The following SORT1 variants were observed in gnomAD, a reference collection of about 807,000 sequenced individuals.
The protein encoded by SORT1 is sortilin.
Under a neutral mutation model 101.7 loss-of-function variants are expected in SORT1, and 39 were observed. That is an observed-to-expected ratio of 0.38 (90% confidence interval 0.30 to 0.50). The LOEUF (loss-of-function observed/expected upper bound fraction) is 0.50, where lower values mean the gene tolerates loss of function less well. SORT1 is among the 20% of genes least tolerant of loss of function. SORT1 has a pLI of 0.90. For missense variants in SORT1, 878 were observed against 1,040.4 expected (o/e 0.84, Z 2.15); for synonymous variants, 396 against 393.7 (o/e 1.01, Z -0.07).
At chr1:109,378,748 ATATATATATATAT>A (rs1652034282) in intron 1 of SORT1, among the ~76,000 whole-genome samples, 4 of 78,456 alleles carry the variant, frequency 5.1e-5, no homozygotes, top group African/African-American at 1.4e-4. Flanking sequence ...ATATATATAT[ATATATATATATAT>A]AAAGATGTTA....
intron 1 of SORT1, among the ~76,000 whole-genome samples, chr1:109,392,016 G>A (rs1652944115): frequency 6.6e-6 from 1 of 152,202 alleles, no homozygotes; most frequent in South Asian, 2.1e-4. Context: ...GTTGTTTCTA[G>A]AAAAGCTGTA....
rs1392776447 is a variant in SORT1, at chr1:109,311,186, G to C, written c.*2857C>G. ...AGCCCAATGCCCAATTAGGTCCAGA[G>C]AAGAAAGAAGAGTGAGTTCCCTACC... is the stretch of plus-strand genomic sequence containing the variant. On this transcript the variant is annotated 3_prime_UTR_variant, in exon 20 of 20. Coordinates refer to ENST00000256637, the MANE Select transcript of SORT1 (RefSeq NM_002959.7). The C allele has an allele frequency of 6.6e-6, 1 of 152,222 alleles. No individual in the cohort carries two copies. Among genetic ancestry groups the C allele is most frequent in the Admixed American group, 6.5e-5 (1 of 15,286 alleles). 9.4% of individuals were successfully genotyped at this position (152,222 alleles called of 1,614,324 possible).
chr1:109,309,821 T>C lies in SORT1; in HGVS notation c.*4222A>G, dbSNP rs891391245. 4 of 152,236 alleles carry C rather than the reference T, an allele frequency of 2.6e-5. No homozygotes were observed. Among genetic ancestry groups the C allele is most frequent in the Non-Finnish European group, 5.9e-5 (4 of 68,014 alleles). The allele number at this position is 152,236 out of a possible 1,614,324, so 9.4% of individuals were successfully genotyped here. A position where few individuals can be genotyped will look rare whatever the true frequency, so the allele number is the denominator to read the frequency against. ...GTCCTAAGGGAATAGAAAACTTGGG[T>C]TTTTAGGGCACATGCAGTAATGATC... On this transcript the variant is annotated 3_prime_UTR_variant, in exon 20 of 20. Transcript: ENST00000256637.
At chr1:109,364,806 G>A (rs1413233224) in intron 3 of SORT1, among the ~76,000 whole-genome samples, 1 of 152,206 alleles carries the variant, frequency 6.6e-6, no homozygotes, top group Non-Finnish European at 1.5e-5. Context: ...TCATTGGCAT[G>A]GCAGCAACTA....
At chr1:109,388,030 A>G (rs942930284) in intron 1 of SORT1, among the ~76,000 whole-genome samples, 1 of 151,996 alleles carries the variant, frequency 6.6e-6, no homozygotes, top group Non-Finnish European at 1.5e-5. Context: ...CTCTTTTTTC[A>G]TCCTGAGTCC....
chr1:109,354,075 C>G (rs1468840214), intron 5 of SORT1, among the ~76,000 whole-genome samples: 1 of 151,936 alleles, frequency 6.6e-6, no homozygotes, highest in Non-Finnish European at 1.5e-5. Flanking sequence ...CCTTGTAGCA[C>G]AAGAATGATT....
At chr1:109,326,076 G>A (rs1221578342) in intron 13 of SORT1, among the ~76,000 whole-genome samples, 15 of 141,174 alleles carry the variant, frequency 1.1e-4, no homozygotes, top group African/African-American at 3.2e-4. Context: ...TTTTTGAGAC[G>A]GGATCTCACT....
intron 18 of SORT1, 126 bp from the exon 19 acceptor site, chr1:109,314,510 G>T: frequency 2.4e-6 from 3 of 1,245,974 alleles, no homozygotes; most frequent in Non-Finnish European, 3.4e-6. Context: ...ACAGTCCATG[G>T]TTGACATATG....
rs1653297647 is a variant in SORT1, at chr1:109,397,893, C to T, written c.-1G>A. The T allele has an allele frequency of 5.2e-6, 6 of 1,162,584 alleles. No homozygotes were observed. The highest frequency in any genetic ancestry group is 1.6e-5 in the African/African-American group (1 of 61,116). 72.0% of individuals were successfully genotyped at this position (1,162,584 alleles called of 1,614,324 possible). On this transcript the variant is annotated 5_prime_UTR_variant, in exon 1 of 20. Transcript: ENST00000256637. ...CCGCAGCTCCCCAGGGCCGCTCCATCGCCGCCGAATGCCGCCGACGCCGAC... is the reference window on the plus strand; with the variant it reads ...CCGCAGCTCCCCAGGGCCGCTCCATTGCCGCCGAATGCCGCCGACGCCGAC...
chr1:109,321,714 T>C (rs1647641623), intron 15 of SORT1, among the ~76,000 whole-genome samples: 1 of 152,234 alleles, frequency 6.6e-6, no homozygotes, highest in Non-Finnish European at 1.5e-5. Flanking sequence ...CTGCCTGCCT[T>C]CTTTGTCCAA....
chr1:109,316,771 T>C, intron 17 of SORT1, 79 bp downstream of exon 17: 4 of 927,906 alleles, frequency 4.3e-6, no homozygotes, highest in East Asian at 2.5e-5. Flanking sequence ...AACAAAACTC[T>C]TGATGCTTTA....
rs538579464 is a variant in SORT1 at position 109,324,149 on chromosome 1, A to G, written c.1834+750T>C. On this transcript the variant is annotated intron_variant, in intron 14 of 19. Transcript: ENST00000256637. ...TTATCCCCCTTCTTTTTTTTTTGAG[A>G]CAGAGTCTTGCTCTTGTCGCCCAGG... 8.0e-5 allele frequency among the ~76,000 whole-genome samples: 12 copies of G among 150,776 alleles called. No individual in the cohort carries two copies. In the East Asian group the frequency reaches 1.9e-3, roughly 24 times the overall value.
At chr1:109,354,292 A>C in intron 5 of SORT1, 75 bp downstream of exon 5, 80 of 1,001,344 alleles carry the variant, frequency 8.0e-5, no homozygotes, top group Non-Finnish European at 1.0e-4. Context: ...AGCATTTCCT[A>C]AAGGATCCTT....
At chr1:109,349,598 T>C (rs1024351043) in intron 6 of SORT1, among the ~76,000 whole-genome samples, 1 of 151,348 alleles carries the variant, frequency 6.6e-6, no homozygotes, top group African/African-American at 2.4e-5. Flanking sequence ...AGACCCCCTA[T>C]CTCTACAAAA....
chr1:109,332,694 T>C (rs766177301), intron 11 of SORT1, among the ~76,000 whole-genome samples: 2 of 152,026 alleles, frequency 1.3e-5, no homozygotes, highest in Non-Finnish European at 2.9e-5. Flanking sequence ...GGGGGTATCA[T>C]GCTACCTAAT....
chr1:109,344,884 A>C (rs1230738075), intron 8 of SORT1, among the ~76,000 whole-genome samples: 1 of 151,942 alleles, frequency 6.6e-6, no homozygotes, highest in Non-Finnish European at 1.5e-5. Context: ...TTTTGTAGAG[A>C]CAGGGTTTTG....
intron 10 of SORT1, among the ~76,000 whole-genome samples, chr1:109,337,895 G>A (rs1648940908): frequency 6.6e-6 from 1 of 152,142 alleles, no homozygotes; most frequent in Non-Finnish European, 1.5e-5. Context: ...CAAAGTGCTA[G>A]GATTACACGC....
intron 1 of SORT1, among the ~76,000 whole-genome samples, chr1:109,383,685 T>C (rs1398705399): frequency 2.6e-5 from 4 of 152,136 alleles, no homozygotes; most frequent in Admixed American, 6.5e-5. Context: ...AGTGATGCTT[T>C]TGCAGGCAGG....
chr1:109,314,083 C>T (rs200736897), intron 19 of SORT1, 26 bp from the exon 20 acceptor site: 21 of 1,613,832 alleles, frequency 1.3e-5, no homozygotes, highest in South Asian at 3.3e-5. Flanking sequence ...ACCATATTAC[C>T]GACAGACCAC....
Sources: gnomAD v4.1 joint callset for allele counts (sites outside exome capture counted in the v4.1 genomes callset) on GRCh38, gnomAD v4.1.1 for gene constraint, MANE v1.5 for transcripts, NCBI Gene and HGNC (gene_info 2026-07-23, HGNC 2026-07-21) for gene names.